The following CACNG4 variants were observed in gnomAD, a reference collection of about 807,000 sequenced individuals.
CACNG4 encodes voltage-dependent calcium channel gamma-4 subunit.
CACNG4 carries 8 observed loss-of-function variants against 22.9 expected under a neutral mutation model. The observed-to-expected ratio is 0.35, with a 90% CI of 0.21 to 0.63. The LOEUF (loss-of-function observed/expected upper bound fraction) is 0.63, where lower values mean the gene tolerates loss of function less well. Ranked by LOEUF, CACNG4 falls within the 30% of genes least tolerant of loss-of-function variation. The pLI is 0.72. For synonymous variants in CACNG4, 188 were observed against 191.9 expected (o/e 0.98, Z 0.17); for missense variants, 357 against 455.4 (o/e 0.78, Z 1.97).
chr17:66,994,415 C>T (rs762092913), intron 1 of CACNG4, among the ~76,000 whole-genome samples: 4 of 152,046 alleles, frequency 2.6e-5, no homozygotes, highest in African/African-American at 4.8e-5. Context: ...CAGGACCTCG[C>T]GTGTTTGCCT....
At chr17:66,976,404 C>A (rs1385116923) in intron 1 of CACNG4, among the ~76,000 whole-genome samples, 1 of 148,540 alleles carries the variant, frequency 6.7e-6, no homozygotes, top group East Asian at 2.0e-4. Flanking sequence ...TTCTTTCCAT[C>A]CCTCCATCCT....
chr17:66,973,188 T>A (rs4791001), intron 1 of CACNG4, among the ~76,000 whole-genome samples: 4 of 150,620 alleles, frequency 2.7e-5, no homozygotes, highest in African/African-American at 9.8e-5. Flanking sequence ...TGCACTGAGC[T>A]GAGAGCTCGC....
intron 1 of CACNG4, among the ~76,000 whole-genome samples, chr17:67,010,249 G>A (rs1397349019): frequency 1.3e-5 from 2 of 152,162 alleles, no homozygotes; most frequent in African/African-American, 4.8e-5. Flanking sequence ...CGCTGCTTCA[G>A]CATCTCTGCC....
intron 3 of CACNG4, among the ~76,000 whole-genome samples, chr17:67,029,303 C>G (rs750436470): frequency 2.9e-5 from 4 of 137,542 alleles, no homozygotes; most frequent in Non-Finnish European, 6.3e-5. Context: ...CTGCACTCAG[C>G]CTGGGCAGCA....
chr17:66,968,359 G>A (rs12451208), intron 1 of CACNG4, among the ~76,000 whole-genome samples: 2,741 of 152,174 alleles, frequency 0.018, 29 homozygotes, highest in Middle Eastern at 0.027. Flanking sequence ...CATAAATTGC[G>A]TAACACACCT....
intron 1 of CACNG4, among the ~76,000 whole-genome samples, chr17:66,965,990 G>T (rs1357710397): frequency 6.6e-6 from 1 of 152,190 alleles, no homozygotes; most frequent in African/African-American, 2.4e-5. Context: ...GAACAGACTG[G>T]GAGGGGCGTG....
chr17:66,998,420 AC>A (rs2035387998), intron 1 of CACNG4, among the ~76,000 whole-genome samples: 1 of 151,998 alleles, frequency 6.6e-6, no homozygotes, highest in South Asian at 2.1e-4. Context: ...ATGGGGTCTC[AC>A]TCAAACTCCT....
At chr17:66,994,190 T>C (rs1238613115) in intron 1 of CACNG4, among the ~76,000 whole-genome samples, 1 of 151,696 alleles carries the variant, frequency 6.6e-6, no homozygotes, top group African/African-American at 2.4e-5. Flanking sequence ...ATTAGCCCAG[T>C]GTGGAGCATG....
At chr17:67,016,456 C>T (rs780012108) in intron 1 of CACNG4, among the ~76,000 whole-genome samples, 3 of 152,064 alleles carry the variant, frequency 2.0e-5, no homozygotes, top group East Asian at 3.9e-4. Flanking sequence ...AGCTTGGGGA[C>T]GGCAGCTGGT....
Position 67,031,035 on chromosome 17 carries a change from C to CTTCTGTGATT in CACNG4, c.*32_*33insTCTGTGATTT. ...CTGCCCTTTCTCTCCGCTCCAGCCT[C>CTTCTGTGATT]TCCCCAGAACGGCTCTTTTTGTCAC... On this transcript the variant is annotated 3_prime_UTR_variant, in exon 4 of 4. Transcript: ENST00000262138. The surrounding 1 kb of genome is among the most constrained non-coding windows in gnomAD (Gnocchi z 4.0). The CTTCTGTGATT allele has an allele frequency of 2.5e-6, 4 of 1,578,390 alleles. No individual in the cohort carries two copies. Among genetic ancestry groups the CTTCTGTGATT allele is most frequent in the Non-Finnish European group, 3.4e-6 (4 of 1,161,762 alleles).
chr17:66,996,253 A>ATT (rs11384383), intron 1 of CACNG4, among the ~76,000 whole-genome samples: 4 of 150,324 alleles, frequency 2.7e-5, no homozygotes, highest in African/African-American at 9.8e-5. Flanking sequence ...GGCAGAGTGG[A>ATT]TTTTTTTTTC....
At chr17:66,979,768 G>A (rs78228064) in intron 1 of CACNG4, among the ~76,000 whole-genome samples, 1 of 10,014 alleles carries the variant, frequency 1.0e-4, no homozygotes, top group Non-Finnish European at 2.4e-4. Flanking sequence ...TTTTTTTTTT[G>A]AGATGGAGTC....
intron 1 of CACNG4, among the ~76,000 whole-genome samples, chr17:66,980,384 T>C (rs1043513636): frequency 6.6e-6 from 1 of 152,168 alleles, no homozygotes; most frequent in African/African-American, 2.4e-5. Context: ...AGCTGTGTCG[T>C]GAGAGGCCCC....
intron 1 of CACNG4, among the ~76,000 whole-genome samples, chr17:66,993,979 T>A (rs932390597): frequency 1.3e-5 from 2 of 151,800 alleles, no homozygotes; most frequent in African/African-American, 4.8e-5. Context: ...TGTCTCTATA[T>A]GTATCCCATA....
At chr17:67,029,028 A>G (rs969109218) in intron 3 of CACNG4, among the ~76,000 whole-genome samples, 3 of 152,188 alleles carry the variant, frequency 2.0e-5, no homozygotes, top group African/African-American at 7.2e-5. Flanking sequence ...ACATTAGTAC[A>G]AACCCAGTAA....
Position 67,020,123 on chromosome 17 carries a change from G to T in CACNG4, c.304+1851G>T, listed in dbSNP as rs117691881. 453 of 152,502 alleles carry T rather than the reference G, an allele frequency of 3.0e-3. 7 individuals carry two copies. The East Asian group carries it at 0.04, about 13-fold the overall frequency. 9.4% of individuals were successfully genotyped at this position (152,502 alleles called of 1,614,324 possible). ...CAGTAGGGACAGGGCTGCCTGGCAG[G>T]AGCTGCGGCTGTTGGGAAGCAATGC... On this transcript the variant is annotated intron_variant, in intron 2 of 3. Coordinates refer to ENST00000262138, the MANE Select transcript of CACNG4 (RefSeq NM_014405.4).
intron 1 of CACNG4, among the ~76,000 whole-genome samples, chr17:66,992,102 A>G (rs1598109670): frequency 6.8e-6 from 1 of 146,098 alleles, no homozygotes; most frequent in African/African-American, 2.5e-5. Flanking sequence ...TTGTGCCCAG[A>G]CTTTGGCTGA....
intron 1 of CACNG4, among the ~76,000 whole-genome samples, chr17:66,981,277 T>G (rs1371413766): frequency 2.6e-5 from 4 of 152,226 alleles, no homozygotes; most frequent in African/African-American, 9.6e-5. Context: ...GTACTAGGAC[T>G]ACAAAATTAT....
intron 1 of CACNG4, among the ~76,000 whole-genome samples, chr17:66,988,759 C>T (rs989441151): frequency 2.6e-5 from 4 of 152,010 alleles, no homozygotes; most frequent in South Asian, 2.1e-4. Flanking sequence ...TTACGTAAGG[C>T]GTTGAAAAGG....
Sources: gnomAD v4.1 joint callset for allele counts (sites outside exome capture counted in the v4.1 genomes callset) on GRCh38, gnomAD v4.1.1 for gene constraint, Gnocchi (gnomAD v3.1) non-coding constraint, MANE v1.5 for transcripts, NCBI Gene and HGNC (gene_info 2026-07-23, HGNC 2026-07-21) for gene names.